The following KCNH7 variants were observed in gnomAD, a reference collection of about 807,000 sequenced individuals.
The protein encoded by KCNH7 is potassium voltage-gated channel subfamily H member 7.
A neutral mutation model predicts 120.8 loss-of-function variants in KCNH7; 49 were observed. The ratio of observed to expected loss-of-function variants is 0.41; its 90% CI spans 0.32 to 0.51. The LOEUF is 0.51. Ranked by LOEUF, KCNH7 falls within the 20% of genes least tolerant of loss-of-function variation. KCNH7 has a pLI of 0.38. For missense variants in KCNH7, 1,097 were observed against 1,446.6 expected (o/e 0.76, Z 3.92); for synonymous variants, 547 against 516.1 (o/e 1.06, Z -0.81).
At chr2:162,522,209 T>C (rs1023033177) in intron 3 of KCNH7, among the ~76,000 whole-genome samples, 4 of 152,000 alleles carry the variant, frequency 2.6e-5, no homozygotes, top group African/African-American at 7.2e-5. Context: ...GCACATGAAA[T>C]TGAGTTTTAA....
chr2:162,591,158 C>T (rs1452830852), intron 2 of KCNH7, among the ~76,000 whole-genome samples: 6 of 152,100 alleles, frequency 3.9e-5, no homozygotes, highest in Non-Finnish European at 7.4e-5. Flanking sequence ...TGAGCAACCA[C>T]TTCACCTTTC....
At chr2:162,793,403 A>T (rs1684028127) in intron 2 of KCNH7, among the ~76,000 whole-genome samples, 1 of 151,984 alleles carries the variant, frequency 6.6e-6, no homozygotes, top group African/African-American at 2.4e-5. Context: ...CGATGAAACA[A>T]GTTTACCTAT....
intron 2 of KCNH7, among the ~76,000 whole-genome samples, chr2:162,713,422 G>A (rs1229485856): frequency 1.3e-5 from 2 of 152,094 alleles, no homozygotes; most frequent in African/African-American, 4.8e-5. Context: ...TGAATACCTA[G>A]AAATTTATTT....
At chr2:162,700,508 A>G (rs1686458306) in intron 2 of KCNH7, among the ~76,000 whole-genome samples, 6 of 152,176 alleles carry the variant, frequency 3.9e-5, no homozygotes. Flanking sequence ...AAGGGGGCTG[A>G]CTTAAATATG....
intron 8 of KCNH7, among the ~76,000 whole-genome samples, chr2:162,433,741 A>G (rs1193576609): frequency 6.6e-6 from 1 of 152,038 alleles, no homozygotes; most frequent in Non-Finnish European, 1.5e-5. Context: ...AGAAAATGGA[A>G]TGCTTATATT....
At chr2:162,672,863 TAAGA>T (rs895652329) in intron 2 of KCNH7, among the ~76,000 whole-genome samples, 7 of 151,884 alleles carry the variant, frequency 4.6e-5, no homozygotes, top group African/African-American at 1.7e-4. Flanking sequence ...TAAACAAAAT[TAAGA>T]AAGAAAAACA....
intron 2 of KCNH7, among the ~76,000 whole-genome samples, chr2:162,712,426 A>ACCC: frequency 6.6e-6 from 1 of 152,202 alleles, no homozygotes; most frequent in East Asian, 1.9e-4. Flanking sequence ...CTACTCTGAA[A>ACCC]CCCCTTCCAC....
At chr2:162,469,046 G>A (rs749975286) in intron 6 of KCNH7, among the ~76,000 whole-genome samples, 1 of 152,060 alleles carries the variant, frequency 6.6e-6, no homozygotes, top group Non-Finnish European at 1.5e-5. Context: ...GTAGAAGCAG[G>A]AATCTTGCTA....
chr2:162,601,172 T>G (rs1694538620), intron 2 of KCNH7, among the ~76,000 whole-genome samples: 2 of 151,970 alleles, frequency 1.3e-5, no homozygotes, highest in South Asian at 4.1e-4. Flanking sequence ...TAATGTATGG[T>G]TCACGATGCT....
intron 6 of KCNH7, among the ~76,000 whole-genome samples, chr2:162,473,376 A>C (rs928697690): frequency 2.5e-4 from 38 of 152,318 alleles, no homozygotes; most frequent in African/African-American, 8.2e-4. Context: ...AAAGTCAGGG[A>C]AAGAAATATT....
At chr2:162,760,670 A>G (rs1688938448) in intron 2 of KCNH7, among the ~76,000 whole-genome samples, 2 of 152,068 alleles carry the variant, frequency 1.3e-5, no homozygotes, top group African/African-American at 4.8e-5. Flanking sequence ...AAAGTAGTGA[A>G]TCACTTGTCT....
rs115889244 is a variant in KCNH7 at position 162,404,698 on chromosome 2, A to G, written c.2155-4257T>C. Among the ~76,000 whole-genome samples the G allele has an allele frequency of 2.1e-3, 318 of 152,122 alleles. 3 individuals are homozygous for G. The highest frequency in any genetic ancestry group is 6.8e-3 in the Middle Eastern group (2 of 294). ...CAGGAGCCGAGCAGATGCTAGCACCATGCTTGTACAGCCTGCAGAACCATA... is the reference window on the plus strand; with the variant it reads ...CAGGAGCCGAGCAGATGCTAGCACCGTGCTTGTACAGCCTGCAGAACCATA... On this transcript the variant is annotated intron_variant, in intron 9 of 15. Transcript: ENST00000332142.
intron 5 of KCNH7, among the ~76,000 whole-genome samples, chr2:162,505,371 T>C (rs953042455): frequency 6.6e-6 from 1 of 150,908 alleles, no homozygotes; most frequent in African/African-American, 2.4e-5. Flanking sequence ...AAAAAGGCGC[T>C]ATTAAAAACC....
At chr2:162,616,869 T>C (rs1683156120) in intron 2 of KCNH7, among the ~76,000 whole-genome samples, 1 of 152,194 alleles carries the variant, frequency 6.6e-6, no homozygotes, top group African/African-American at 2.4e-5. Flanking sequence ...ACTTACTTTC[T>C]TGCTTGAAAG....
intron 2 of KCNH7, among the ~76,000 whole-genome samples, chr2:162,577,356 T>TCATCTATCCATC (rs766088685): frequency 1.1e-4 from 7 of 63,420 alleles, no homozygotes; most frequent in African/African-American, 2.8e-4. Flanking sequence ...ATCCTATCTA[T>TCATCTATCCATC]CTATCTATCT....
At chr2:162,593,450 A>T (rs1202802947) in intron 2 of KCNH7, among the ~76,000 whole-genome samples, 1 of 152,026 alleles carries the variant, frequency 6.6e-6, no homozygotes, top group Non-Finnish European at 1.5e-5. Flanking sequence ...TCCTTGTCAA[A>T]TCTTAGCAAA....
At chr2:162,715,977 T>TGTGC (rs374889170) in intron 2 of KCNH7, among the ~76,000 whole-genome samples, 1 of 151,262 alleles carries the variant, frequency 6.6e-6, no homozygotes, top group Non-Finnish European at 1.5e-5. Context: ...TGTGTGTGTG[T>TGTGC]GCACACCACA....
intron 2 of KCNH7, among the ~76,000 whole-genome samples, chr2:162,690,811 G>C (rs527479719): frequency 6.6e-6 from 1 of 152,230 alleles, no homozygotes; most frequent in African/African-American, 2.4e-5. Flanking sequence ...GAGAAAACTT[G>C]CACAGAAAAG....
chr2:162,629,346 C>T (rs1683677730), intron 2 of KCNH7, among the ~76,000 whole-genome samples: 1 of 152,064 alleles, frequency 6.6e-6, no homozygotes, highest in South Asian at 2.1e-4. Context: ...GCCATTTCTT[C>T]CCCCACCATC....
Sources: allele counts gnomAD v4.1 joint callset (sites outside exome capture counted in the v4.1 genomes callset), GRCh38; gene constraint gnomAD v4.1.1; transcripts MANE v1.5; gene names NCBI Gene and HGNC (gene_info 2026-07-23, HGNC 2026-07-21).